INSR: variants seen among roughly 807,000 people sequenced by gnomAD.
The protein encoded by INSR is insulin receptor.
INSR carries 67 observed loss-of-function variants against 142.6 expected under a neutral mutation model. The ratio of observed to expected loss-of-function variants is 0.47; its 90% CI spans 0.39 to 0.58. The LOEUF (loss-of-function observed/expected upper bound fraction) is 0.58. INSR is among the 20% of genes least tolerant of loss of function. The pLI is 0.00. For synonymous variants in INSR, 756 were observed against 743.1 expected (o/e 1.02, Z -0.28); for missense variants, 1,248 against 1,833.2 (o/e 0.68, Z 5.83).
At chr19:7,292,574 T>G (rs530821353) in intron 1 of INSR, among the ~76,000 whole-genome samples, 1 of 152,034 alleles carries the variant, frequency 6.6e-6, no homozygotes, top group Non-Finnish European at 1.5e-5. Context: ...TGCACCCGTT[T>G]CCCCATCAAT....
At chr19:7,270,223 C>T (rs1212272375) in intron 1 of INSR, among the ~76,000 whole-genome samples, 3 of 152,056 alleles carry the variant, frequency 2.0e-5, no homozygotes, top group Non-Finnish European at 2.9e-5. Flanking sequence ...GCTGGGATTA[C>T]GGGCATAAAC....
intron 5 of INSR, among the ~76,000 whole-genome samples, chr19:7,171,660 C>G (rs537273774): frequency 1.8e-4 from 27 of 152,126 alleles, no homozygotes; most frequent in Admixed American, 3.9e-4. Context: ...CCAAACTCTA[C>G]TCACAATGCA....
At chr19:7,127,963 C>T (rs1160962819) in intron 15 of INSR, among the ~76,000 whole-genome samples, 2 of 151,868 alleles carry the variant, frequency 1.3e-5, no homozygotes, top group Non-Finnish European at 2.9e-5. Context: ...AGGCTGGTCT[C>T]GAACTCCTGA....
chr19:7,204,587 A>T (rs755515288), intron 2 of INSR, among the ~76,000 whole-genome samples: 2 of 152,220 alleles, frequency 1.3e-5, no homozygotes, highest in Non-Finnish European at 2.9e-5. Context: ...CTGGATCCTC[A>T]GACTTCACTG....
chr19:7,140,450 C>T (rs138274276), intron 13 of INSR, among the ~76,000 whole-genome samples: 16 of 152,260 alleles, frequency 1.1e-4, no homozygotes, highest in African/African-American at 3.6e-4. Context: ...CATCTGGCCA[C>T]GGAGTCAAAC....
At chr19:7,220,423 T>G (rs1975577203) in intron 2 of INSR, among the ~76,000 whole-genome samples, 1 of 152,176 alleles carries the variant, frequency 6.6e-6, no homozygotes, top group Admixed American at 6.6e-5. Context: ...CCCGAGGAGC[T>G]GGGGCTACAG....
intron 2 of INSR, among the ~76,000 whole-genome samples, chr19:7,239,539 T>C (rs1288434628): frequency 6.6e-6 from 1 of 151,816 alleles, no homozygotes; most frequent in Non-Finnish European, 1.5e-5. Flanking sequence ...ATTCGGGGAG[T>C]ATATACTAGA....
At chr19:7,128,682 A>G (rs2144822249) in intron 15 of INSR, among the ~76,000 whole-genome samples, 170 bp downstream of exon 15, 1 of 152,326 alleles carries the variant, frequency 6.6e-6, no homozygotes, top group African/African-American at 2.4e-5. Context: ...GGAATTTACA[A>G]TAAAGAGTTG....
chr19:7,219,686 T>A (rs12610987), intron 2 of INSR, among the ~76,000 whole-genome samples: 1 of 151,568 alleles, frequency 6.6e-6, no homozygotes, highest in Admixed American at 6.6e-5. Context: ...AGAAAGAAAA[T>A]GAAAAAAAAG....
intron 1 of INSR, among the ~76,000 whole-genome samples, chr19:7,270,018 A>G (rs912480009): frequency 2.6e-5 from 4 of 152,110 alleles, no homozygotes; most frequent in Admixed American, 1.3e-4. Context: ...GCTGAAGTGC[A>G]GTGCCGTGAT....
intron 1 of INSR, among the ~76,000 whole-genome samples, chr19:7,282,309 G>C (rs1031677791): frequency 3.3e-5 from 5 of 151,696 alleles, no homozygotes; most frequent in Non-Finnish European, 7.4e-5. Flanking sequence ...AGGTTGCAGT[G>C]AGCCGAGATC....
intron 2 of INSR, among the ~76,000 whole-genome samples, chr19:7,232,143 T>C (rs1171499843): frequency 6.6e-6 from 1 of 152,164 alleles, no homozygotes; most frequent in African/African-American, 2.4e-5. Flanking sequence ...TTTTCAGTGG[T>C]GGTTACACAG....
chr19:7,122,760 C>T lies in INSR; in HGVS notation c.3383G>A (p.Arg1128His), dbSNP rs202160383. 9.9e-6 allele frequency: 16 copies of T among 1,614,106 alleles called. No homozygotes were observed. In the East Asian group the frequency reaches 1.8e-4, roughly 18 times the overall value. Residue 1128 changes from arginine to histidine, a missense_variant, in exon 19 of 22, where the codon CGC becomes CAC. Arg to His is a conservative substitution (Grantham distance 29). Around this residue, in one of 3 missense-constraint regions of INSR, gnomAD observed 1,069 missense variants for 1,654.0 expected, o/e 0.65. Transcript: ENST00000302850. ...LRPEAENNPG[R>H]PPPTLQEMIQ... ...CATCTCTTGAAGGGTAGGGGGAGGG[C>T]GGCCAGGATTATTCTAAAACAGAAA...
intron 2 of INSR, among the ~76,000 whole-genome samples, chr19:7,231,295 G>GTTTTT (rs59830751): frequency 4.4e-5 from 6 of 134,996 alleles, no homozygotes; most frequent in East Asian, 2.4e-4. Flanking sequence ...GGTGTTTTTT[G>GTTTTT]TTTTTTTTTT....
chr19:7,168,884 G>A lies in INSR; in HGVS notation c.1484-790C>T, dbSNP rs749089755. On this transcript the variant is annotated intron_variant, in intron 6 of 21. Transcript: ENST00000302850. The surrounding 1 kb of genome is among the most constrained non-coding windows in gnomAD (Gnocchi z 4.3). ...CTCCCAGAGTGCTGGGATTCCAGGCGTGAGCCACCATGCCCAGCCCTTGCA... is the reference window on the plus strand; with the variant it reads ...CTCCCAGAGTGCTGGGATTCCAGGCATGAGCCACCATGCCCAGCCCTTGCA... Among the ~76,000 whole-genome samples, 10 of 152,170 alleles carry A rather than the reference G, an allele frequency of 6.6e-5. No individual in the cohort carries two copies. Among genetic ancestry groups the A allele is most frequent in the African/African-American group, 2.4e-4 (10 of 41,528 alleles).
At chr19:7,141,295 TCTGC>T (rs1973064487) in intron 13 of INSR, among the ~76,000 whole-genome samples, 1 of 152,172 alleles carries the variant, frequency 6.6e-6, no homozygotes, top group Non-Finnish European at 1.5e-5. Context: ...CCTCAAGTGA[TCTGC>T]CTGCCTCGGC....
chr19:7,255,487 C>T (rs60391531), intron 2 of INSR, among the ~76,000 whole-genome samples: 31,454 of 150,578 alleles, frequency 0.21, 3,540 homozygotes, highest in African/African-American at 0.28. Context: ...AATACCCTTC[C>T]CTCTCACCCT....
At position 7,184,458 on chromosome 19, in the gene INSR, A is replaced by G; in HGVS notation, c.832T>C (p.Trp278Arg). 6.2e-7 allele frequency: 1 copy of G among 1,614,100 alleles called. No individual in the cohort carries two copies. Among genetic ancestry groups the G allele is most frequent in the Non-Finnish European group, 8.5e-7 (1 of 1,180,024 alleles). The change falls in exon 3 of 22, where the codon TGG becomes CGG. Residue 278 changes from tryptophan (W) to arginine (R), a missense_variant. Transcript: ENST00000302850. ...CPPPYYHFQD[W>R]RCVNFSFCQD... is the part of the protein sequence containing the mutation. ...CAGAAGCTGAAGTTCACACAGCGCC[A>G]GTCCTGGAAGTGGTAGTACGGGGGC... is the stretch of plus-strand genomic sequence containing the variant.
At chr19:7,203,943 T>C (rs1425059201) in intron 2 of INSR, among the ~76,000 whole-genome samples, 1 of 152,182 alleles carries the variant, frequency 6.6e-6, no homozygotes, top group Non-Finnish European at 1.5e-5. Flanking sequence ...AGTGCAGTGG[T>C]GTGATCTTGG....
Sources: allele counts gnomAD v4.1 joint callset (sites outside exome capture counted in the v4.1 genomes callset), GRCh38; gene constraint gnomAD v4.1.1; regional missense constraint gnomAD v4.1.1; non-coding constraint Gnocchi (gnomAD v3.1); transcripts MANE v1.5; gene names NCBI Gene and HGNC (gene_info 2026-07-23, HGNC 2026-07-21).